The following SPATA7 variants were observed in gnomAD, a reference collection of about 807,000 sequenced individuals.
SPATA7 encodes spermatogenesis associated 7, also known as spermatogenesis-associated protein 7.
In SPATA7, 43 loss-of-function variants were observed where a neutral mutation model predicts 51.8. That is an observed-to-expected ratio of 0.83 (90% CI 0.65 to 1.07). SPATA7 has a LOEUF of 1.07. Among genes scored for constraint, SPATA7 ranks in the 50% least tolerant of loss-of-function variants. SPATA7 has a pLI of 0.00. For missense variants in SPATA7, 683 were observed against 701.3 expected, an observed-to-expected ratio of 0.97 and a Z score of 0.30; for synonymous variants, 230 against 252.8, an observed-to-expected ratio of 0.91 and a Z score of 0.86.
At chr14:88,433,110 G>A (rs1435459419) in intron 9 of SPATA7, 25 bp from the exon 10 acceptor site, 1 of 1,563,948 alleles carries the variant, frequency 6.4e-7, no homozygotes. Context: ...TAATTTTTAT[G>A]CTATATATTG....
rs2076931415 is a variant in SPATA7, at chr14:88,431,200, C to G, written c.1057C>G (p.Pro353Ala). 8.7e-6 allele frequency: 14 copies of G among 1,613,518 alleles called. No homozygotes were observed. The East Asian group carries it at 2.9e-4, about 33-fold the overall frequency. ...AATGTGTCAGTATTCCCTGAAGCCC[C>G]CTTCAACTCGTAAAATCTACTCTGA... Reference protein sequence around the residue: ...RAMCQYSLKPPSTRKIYSDEE... With the variant: ...RAMCQYSLKPASTRKIYSDEE... The change falls in exon 9 of 12, where the codon CCT becomes GCT. Residue 353 changes from proline (P) to alanine (A), a missense_variant. By Grantham distance (27) the Pro-to-Ala change is conservative. Coordinates refer to ENST00000393545, the MANE Select transcript of SPATA7 (RefSeq NM_018418.5).
intron 1 of SPATA7, among the ~76,000 whole-genome samples, chr14:88,391,097 T>C (rs2075731777): frequency 6.6e-6 from 1 of 152,200 alleles, no homozygotes. Context: ...TGTGTCCTCC[T>C]TGTTATAGCT....
chr14:88,467,883 A>G (rs1186549168), intron 4 of SPATA7: 1 of 518,376 alleles, frequency 1.9e-6, no homozygotes, highest in Admixed American at 3.6e-5. Flanking sequence ...AAGTACTGCA[A>G]ACCGGACAGA....
chr14:88,454,079 A>G (rs1294257677), intron 3 of SPATA7, among the ~76,000 whole-genome samples: 1 of 152,200 alleles, frequency 6.6e-6, no homozygotes, highest in Non-Finnish European at 1.5e-5. Context: ...CCATTGTATA[A>G]GTTTCCTATT....
chr14:88,451,433 T>A (rs143600938), intron 3 of SPATA7, among the ~76,000 whole-genome samples: 2,654 of 152,054 alleles, frequency 0.017, 81 homozygotes, highest in African/African-American at 0.061. Context: ...CCTCCCAAAC[T>A]GCTGGGATTG....
At chr14:88,393,870 A>G (rs999336810) in intron 3 of SPATA7, among the ~76,000 whole-genome samples, 3 of 152,094 alleles carry the variant, frequency 2.0e-5, no homozygotes. Flanking sequence ...GATAAAACTT[A>G]CATTATAAAA....
At chr14:88,447,055 C>T (rs28863489) in intron 3 of SPATA7, among the ~76,000 whole-genome samples, 4 of 151,840 alleles carry the variant, frequency 2.6e-5, no homozygotes, top group South Asian at 2.1e-4. Flanking sequence ...CTTTCTGTCT[C>T]GTTGATGTGT....
At chr14:88,442,674 T>A (rs1264686723), downstream of SPATA7, among the ~76,000 whole-genome samples, 1 of 152,192 alleles carries the variant, frequency 6.6e-6, no homozygotes, top group Non-Finnish European at 1.5e-5. Flanking sequence ...TTTGATATGC[T>A]GTTGGATTCG....
At position 88,447,370 on chromosome 14, in the gene SPATA7, A is replaced by G. The variant is rs538506881; in HGVS notation, c.178-7690A>G. ...TCCTCCATCCTTTTATTTTGAGCCT[A>G]TGTGTGTCTCTGCACGTGAGATGGG... On this transcript the variant is annotated intron_variant, in intron 3 of 3. Coordinates refer to the SPATA7 transcript ENST00000554802. 2.1e-3 allele frequency among the ~76,000 whole-genome samples: 317 copies of G among 150,016 alleles called. 1 individual carries two copies. The highest frequency in any genetic ancestry group is 3.9e-3 in the Non-Finnish European group (264 of 67,322).
At chr14:88,431,305 G>T in intron 9 of SPATA7, 80 bp downstream of exon 9, 1 of 1,330,126 alleles carries the variant, frequency 7.5e-7, no homozygotes. Context: ...AATAAGTCAG[G>T]ATTGAACAAT....
At chr14:88,439,695 A>G (rs2077164475), downstream of SPATA7, among the ~76,000 whole-genome samples, 1 of 152,070 alleles carries the variant, frequency 6.6e-6, no homozygotes, top group Non-Finnish European at 1.5e-5. Flanking sequence ...GAGACCTGAG[A>G]GTTGATTTTA....
At chr14:88,441,897 G>T (rs2077180841), downstream of SPATA7, among the ~76,000 whole-genome samples, 1 of 152,036 alleles carries the variant, frequency 6.6e-6, no homozygotes. Flanking sequence ...TTGGGTTCTT[G>T]GTCATGAACA....
intron 3 of SPATA7, among the ~76,000 whole-genome samples, chr14:88,446,746 G>C (rs1015231008): frequency 6.6e-6 from 1 of 152,164 alleles, no homozygotes; most frequent in Non-Finnish European, 1.5e-5. Context: ...TATGTACCCA[G>C]TAGTCATTCA....
Position 88,391,407 on chromosome 14 carries a change from T to A in SPATA7, c.46T>A (p.Tyr16Asn). 1 of 1,613,664 alleles carries A rather than the reference T, an allele frequency of 6.2e-7. No homozygotes were observed. Among genetic ancestry groups the A allele is most frequent in the Non-Finnish European group, 8.5e-7 (1 of 1,179,708 alleles). Residue 16 changes from tyrosine to asparagine, a missense_variant, in exon 2 of 12, where the codon TAT (tyrosine) becomes AAT (asparagine). Physicochemically the swap from Tyr to Asn is moderately radical, Grantham distance 143. Coordinates refer to ENST00000393545, the MANE Select transcript of SPATA7 (RefSeq NM_018418.5). ...RVRATSVLPR[Y>N]GPPCLFKGHL... ...CAGAGCAACCTCTGTCCTTCCCAGA[T>A]ATGGTCCACCGTGCCTATTTAAAGG...
At position 88,438,179 on chromosome 14, in the gene SPATA7, T is replaced by C; in HGVS notation, c.1557T>C (p.Thr519=). The stretch of plus-strand genomic sequence containing the variant: ...ATGAAACAAATCTTGAAACTTCAAC[T>C]TTGGATGAAAATCATCCAAGTATTT... ...VNDETNLETS[T]LDENHPSISD... is the part of the protein sequence containing the mutation. The change falls in exon 12 of 12, where the codon ACT becomes ACC. Residue 519 remains threonine, a synonymous_variant. Coordinates refer to ENST00000393545, the MANE Select transcript of SPATA7 (RefSeq NM_018418.5). The C allele has an allele frequency of 6.2e-7, 1 of 1,613,698 alleles. No homozygotes were observed. The highest frequency in any genetic ancestry group is 8.5e-7 in the Non-Finnish European group (1 of 1,179,802).
chr14:88,413,741 G>GT (rs34039966), intron 4 of SPATA7, among the ~76,000 whole-genome samples: 67 of 145,340 alleles, frequency 4.6e-4, no homozygotes, highest in Middle Eastern at 3.6e-3. Flanking sequence ...TTTGTTGAGG[G>GT]TTTTTTTTTT....
chr14:88,387,575 AG>A (rs540739456), intron 1 of SPATA7, among the ~76,000 whole-genome samples: 143 of 152,312 alleles, frequency 9.4e-4, no homozygotes, highest in African/African-American at 3.2e-3. Context: ...AAACATCTAA[AG>A]AAAAATTATC....
intron 8 of SPATA7, among the ~76,000 whole-genome samples, chr14:88,429,865 G>A (rs552363760): frequency 6.7e-6 from 1 of 150,234 alleles, no homozygotes; most frequent in South Asian, 2.1e-4. Context: ...CCTAGTGCTT[G>A]ACCAATCTGT....
chr14:88,434,219 A>G (rs2077014779), intron 10 of SPATA7, among the ~76,000 whole-genome samples: 1 of 152,216 alleles, frequency 6.6e-6, no homozygotes, highest in African/African-American at 2.4e-5. Context: ...TTATTACAGC[A>G]TTTTTATAAT....
Sources: gnomAD v4.1 joint callset for allele counts (sites outside exome capture counted in the v4.1 genomes callset) on GRCh38, gnomAD v4.1.1 for gene constraint, MANE v1.5 for transcripts, NCBI Gene and HGNC (gene_info 2026-07-23, HGNC 2026-07-21) for gene names.